The following HCRTR2 variants were observed in gnomAD, a reference collection of about 807,000 sequenced individuals.
HCRTR2 encodes hypocretin receptor 2, also known as orexin receptor type 2.
A neutral mutation model predicts 49.0 loss-of-function variants in HCRTR2; 22 were observed. That is an observed-to-expected ratio of 0.45 (90% CI 0.32 to 0.64). The LOEUF (loss-of-function observed/expected upper bound fraction) is 0.64, where lower values mean the gene tolerates loss of function less well. HCRTR2 is among the 30% of genes least tolerant of loss of function. The probability of loss-of-function intolerance (pLI) is 0.04; values close to 1 mark genes in which losing one functional copy is unlikely to be tolerated. For missense variants in HCRTR2, 491 were observed against 559.4 expected (o/e 0.88, Z 1.23); for synonymous variants, 236 against 205.3 (o/e 1.15, Z -1.28).
At chr6:55,204,079 T>C (rs1487699198) in intron 1 of HCRTR2, among the ~76,000 whole-genome samples, 1 of 152,168 alleles carries the variant, frequency 6.6e-6, no homozygotes, top group African/African-American at 2.4e-5. Flanking sequence ...CATTCCCAAC[T>C]TCTGTGACTT....
chr6:55,170,906 A>G (rs945601561), upstream of HCRTR2, among the ~76,000 whole-genome samples: 11 of 152,174 alleles, frequency 7.2e-5, no homozygotes, highest in African/African-American at 2.6e-4. Context: ...TGCAAAGGAC[A>G]TGAACTCATC....
Position 55,245,729 on chromosome 6 carries a change from T to C in HCRTR2, c.224-2910T>C, listed in dbSNP as rs150187932. Among the ~76,000 whole-genome samples, 685 of 151,720 alleles carry C rather than the reference T, an allele frequency of 4.5e-3. 8 individuals are homozygous for C. The highest frequency in any genetic ancestry group is 0.016 in the African/African-American group (646 of 41,434). Reference sequence around the variant, plus strand: ...AGGGTGATGGGGAATGAAAAGCCCATAAGTTTCACATGATGGATTCTGATT... The same window carrying C: ...AGGGTGATGGGGAATGAAAAGCCCACAAGTTTCACATGATGGATTCTGATT... On this transcript the variant is annotated intron_variant, in intron 1 of 6. Coordinates refer to ENST00000370862, the MANE Select transcript of HCRTR2 (RefSeq NM_001384272.1).
Position 55,280,428 on chromosome 6 carries a change from T to C in HCRTR2, c.1089T>C (p.Ile363=). 6.2e-7 allele frequency: 1 copy of C among 1,612,308 alleles called. No individual in the cohort carries two copies. Among genetic ancestry groups the C allele is most frequent in the Non-Finnish European group, 8.5e-7 (1 of 1,178,580 alleles). The change falls in exon 6 of 7, where the codon ATT becomes ATC. Residue 363 remains isoleucine, a synonymous_variant. Coordinates refer to ENST00000370862, the MANE Select transcript of HCRTR2 (RefSeq NM_001384272.1). ...CCAATAGTGCTGCGAATCCAATTAT[T>C]TATAATTTTCTCAGTGGTGAGTTTT... ...VYANSAANPI[I]YNFLSGKFRE...
intron 1 of HCRTR2, among the ~76,000 whole-genome samples, chr6:55,121,107 A>G (rs9396044): frequency 1 from 152,229 of 152,268 alleles, 76,095 homozygotes; most frequent in Middle Eastern, 1. Flanking sequence ...CTATCCATGA[A>G]CATGGAATGT....
intron 1 of HCRTR2, among the ~76,000 whole-genome samples, chr6:55,224,063 G>A (rs941871132): frequency 1.3e-5 from 2 of 152,140 alleles, no homozygotes; most frequent in African/African-American, 4.8e-5. Context: ...AGTCATCTTA[G>A]AGTTATCTTG....
chr6:55,109,539 A>G (rs1764021558), intron 1 of HCRTR2, among the ~76,000 whole-genome samples: 1 of 152,156 alleles, frequency 6.6e-6, no homozygotes, highest in African/African-American at 2.4e-5. Flanking sequence ...ATCACAACTT[A>G]TGGGAATGAA....
At chr6:55,117,167 C>T (rs4308558) in intron 1 of HCRTR2, among the ~76,000 whole-genome samples, 151,922 of 151,960 alleles carry the variant, frequency 1, 75,942 homozygotes, top group Non-Finnish European at 1. Flanking sequence ...TGTCAAAGTT[C>T]ATAAACCAAG....
upstream of HCRTR2, among the ~76,000 whole-genome samples, chr6:55,171,529 T>C (rs1386666262): frequency 6.6e-6 from 1 of 152,192 alleles, no homozygotes; most frequent in East Asian, 1.9e-4. Flanking sequence ...AGTATTATAA[T>C]ATTTATTATC....
At position 55,182,910 on chromosome 6, in the gene HCRTR2, G is replaced by A. The variant is rs112447392; in HGVS notation, c.223+8100G>A. 5.1e-3 allele frequency among the ~76,000 whole-genome samples: 770 copies of A among 152,244 alleles called. 6 individuals carry two copies. The highest frequency in any genetic ancestry group is 0.018 in the African/African-American group (732 of 41,526). On this transcript the variant is annotated intron_variant, in intron 1 of 6. Transcript: ENST00000370862. ...TCTCTGTCACAGAATCTATATAATA[G>A]TTAAAAGTATTTTTAACTTGCATAG...
chr6:55,190,897 G>A (rs1298300633), intron 1 of HCRTR2, among the ~76,000 whole-genome samples: 2 of 152,136 alleles, frequency 1.3e-5, no homozygotes, highest in Non-Finnish European at 2.9e-5. Context: ...CACCAAGTAT[G>A]AGAAGTCCTG....
At chr6:55,183,632 G>A (rs950967502) in intron 1 of HCRTR2, among the ~76,000 whole-genome samples, 2 of 152,134 alleles carry the variant, frequency 1.3e-5, no homozygotes, top group African/African-American at 4.8e-5. Flanking sequence ...ATAAATACAT[G>A]AGGGGAAAGA....
intron 1 of HCRTR2, among the ~76,000 whole-genome samples, chr6:55,235,383 A>G (rs73438803): frequency 0.023 from 3,572 of 152,278 alleles, 145 homozygotes; most frequent in African/African-American, 0.08. Context: ...AACAAAGCCC[A>G]TTAACCACAA....
intron 1 of HCRTR2, among the ~76,000 whole-genome samples, chr6:55,123,215 A>C (rs982553386): frequency 2.0e-5 from 3 of 152,040 alleles, no homozygotes; most frequent in Non-Finnish European, 2.9e-5. Context: ...TGGTTTTCAA[A>C]GGGAATGCTT....
At chr6:55,281,390 G>A (rs1035135892) in intron 6 of HCRTR2, among the ~76,000 whole-genome samples, 1 of 152,204 alleles carries the variant, frequency 6.6e-6, no homozygotes, top group Non-Finnish European at 1.5e-5. Flanking sequence ...GTTGTAATGA[G>A]AAGTGTTTGA....
intron 1 of HCRTR2, among the ~76,000 whole-genome samples, chr6:55,224,740 T>A (rs896011134): frequency 1.3e-5 from 2 of 152,006 alleles, no homozygotes; most frequent in Admixed American, 1.3e-4. Flanking sequence ...CTGAAAAACA[T>A]GTTAAGAGGA....
At chr6:55,145,830 A>T (rs532188638) in intron 1 of HCRTR2, among the ~76,000 whole-genome samples, 60 of 151,886 alleles carry the variant, frequency 4.0e-4, no homozygotes, top group African/African-American at 6.1e-4. Context: ...TTATTTTTTT[A>T]AAAAAAGCTG....
At chr6:55,245,739 A>C (rs972367907) in intron 1 of HCRTR2, among the ~76,000 whole-genome samples, 1 of 151,714 alleles carries the variant, frequency 6.6e-6, no homozygotes, top group Non-Finnish European at 1.5e-5. Flanking sequence ...TAAGTTTCAC[A>C]TGATGGATTC....
intron 1 of HCRTR2, 50 bp downstream of exon 1, chr6:55,174,860 C>T (rs751758218): frequency 2.0e-6 from 3 of 1,496,496 alleles, no homozygotes; most frequent in South Asian, 1.1e-5. Context: ...CCCCTCTCCG[C>T]CCCGGGCTGA....
At position 55,148,757 on chromosome 6, in the gene HCRTR2, A is replaced by G. The variant is rs1293381774; in HGVS notation, c.-377-25454A>G. Among the ~76,000 whole-genome samples, 3 of 152,114 alleles carry G rather than the reference A, an allele frequency of 2.0e-5. No individual in the cohort carries two copies. In the East Asian group the frequency reaches 5.8e-4, roughly 29 times the overall value. On this transcript the variant is annotated intron_variant, in intron 1 of 7. Transcript: ENST00000615358. ...ATCAGATCATGGCTGGGATTCAGGT[A>G]ATATATGTTTATATGAGCATTTGAA... is the stretch of plus-strand genomic sequence containing the variant.
Sources: allele counts gnomAD v4.1 joint callset (sites outside exome capture counted in the v4.1 genomes callset), GRCh38; gene constraint gnomAD v4.1.1; transcripts MANE v1.5; gene names NCBI Gene and HGNC (gene_info 2026-07-23, HGNC 2026-07-21).